Variants in SPOCK3 observed in about 807,000 individuals in gnomAD.
The protein encoded by SPOCK3 is SPARC (osteonectin), cwcv and kazal like domains proteoglycan 3, also known as testican-3.
A neutral mutation model predicts 56.6 loss-of-function variants in SPOCK3; 30 were observed. That is an observed-to-expected ratio of 0.53 (90% confidence interval 0.40 to 0.72). SPOCK3 has a LOEUF of 0.72. Ranked by LOEUF, SPOCK3 falls within the 30% of genes least tolerant of loss-of-function variation. The probability of loss-of-function intolerance (pLI) is 0.00; values close to 1 mark genes in which losing one functional copy is unlikely to be tolerated. For missense variants in SPOCK3, 527 were observed against 530.0 expected (o/e 0.99, Z 0.06); for synonymous variants, 196 against 183.3 (o/e 1.07, Z -0.56).
rs140775299 is a variant in SPOCK3, at chr4:166,874,061, T to C, written c.589+15069A>G. Among the ~76,000 whole-genome samples, 528 of 152,260 alleles carry C rather than the reference T, an allele frequency of 3.5e-3. 5 individuals are homozygous for C. The highest frequency in any genetic ancestry group is 0.012 in the African/African-American group (482 of 41,556). Reference sequence around the variant, plus strand: ...AAATGATCTTGGGAGATTGAAGTAGTGTCGCCATGCAGGGGAGAGAACAAA... The same window carrying C: ...AAATGATCTTGGGAGATTGAAGTAGCGTCGCCATGCAGGGGAGAGAACAAA... On this transcript the variant is annotated intron_variant, in intron 6 of 10. Coordinates refer to ENST00000357545, the MANE Select transcript of SPOCK3 (RefSeq NM_001040159.2).
At chr4:167,046,508 T>G (rs1230926167) in intron 3 of SPOCK3, among the ~76,000 whole-genome samples, 1 of 140,632 alleles carries the variant, frequency 7.1e-6, no homozygotes. Context: ...TAAGCTGGAG[T>G]GCAGTGGTAC....
chr4:167,190,929 T>C (rs926477883), intron 2 of SPOCK3, among the ~76,000 whole-genome samples: 2 of 145,634 alleles, frequency 1.4e-5, no homozygotes, highest in Non-Finnish European at 3.0e-5. Context: ...TAGTCTACCA[T>C]TAAGTGCATT....
chr4:166,955,551 ATATTATAT>A (rs1436213802), intron 4 of SPOCK3, among the ~76,000 whole-genome samples: 5 of 117,636 alleles, frequency 4.3e-5, no homozygotes, highest in African/African-American at 1.6e-4. Context: ...TTATTAAATT[ATATTATAT>A]TATTAAATTT....
At chr4:166,935,843 C>A (rs1579708657) in intron 4 of SPOCK3, among the ~76,000 whole-genome samples, 1 of 152,068 alleles carries the variant, frequency 6.6e-6, no homozygotes, top group Non-Finnish European at 1.5e-5. Context: ...GAAGTGGCTG[C>A]ATTCTAATAT....
In SPOCK3 at chr4:166,802,582, T is replaced by C. The variant is rs551799541; in HGVS notation, c.590-10293A>G. ...TCCTTTATAAGGGTACTAATCAAAT[T>C]CACATGGGCTCAGCCTTTATGACCT... On this transcript the variant is annotated intron_variant, in intron 6 of 10. Coordinates refer to ENST00000357545, the MANE Select transcript of SPOCK3 (RefSeq NM_001040159.2). Among the ~76,000 whole-genome samples, 13 of 152,078 alleles carry C rather than the reference T, an allele frequency of 8.5e-5. No homozygotes were observed. In the East Asian group the frequency reaches 2.5e-3, roughly 30 times the overall value.
chr4:166,749,654 A>T (rs78482335), intron 8 of SPOCK3, among the ~76,000 whole-genome samples: 3 of 151,682 alleles, frequency 2.0e-5, no homozygotes, highest in Non-Finnish European at 4.4e-5. Context: ...AAAAAAAAAT[A>T]AAAATAAAAT....
intron 2 of SPOCK3, among the ~76,000 whole-genome samples, chr4:167,138,581 C>T (rs1358042061): frequency 1.4e-4 from 22 of 151,766 alleles, no homozygotes; most frequent in Admixed American, 1.4e-3. Flanking sequence ...AGTGTTTAAA[C>T]AGAAAATCTA....
intron 2 of SPOCK3, among the ~76,000 whole-genome samples, chr4:167,157,818 C>T (rs1764947333): frequency 6.6e-6 from 1 of 151,718 alleles, no homozygotes; most frequent in Admixed American, 6.6e-5. Context: ...TTCTCCCCAT[C>T]TTTGGAAATC....
intron 3 of SPOCK3, among the ~76,000 whole-genome samples, chr4:167,059,892 T>C (rs1480022937): frequency 2.6e-5 from 4 of 151,538 alleles, no homozygotes; most frequent in Non-Finnish European, 5.9e-5. Flanking sequence ...CTCAGTAAAC[T>C]ATCGCAAGAA....
intron 2 of SPOCK3, among the ~76,000 whole-genome samples, chr4:167,140,870 T>G (rs1182736005): frequency 6.6e-6 from 1 of 152,016 alleles, no homozygotes; most frequent in Non-Finnish European, 1.5e-5. Flanking sequence ...AAGAGGGTGC[T>G]ATTTAAGCAT....
At chr4:167,077,007 T>C (rs568715929) in intron 2 of SPOCK3, among the ~76,000 whole-genome samples, 15 of 151,880 alleles carry the variant, frequency 9.9e-5, no homozygotes, top group Non-Finnish European at 1.8e-4. Flanking sequence ...TGTAAAACTA[T>C]GCATGGAATT....
intron 4 of SPOCK3, among the ~76,000 whole-genome samples, chr4:166,974,690 C>T (rs934110203): frequency 6.6e-6 from 1 of 152,170 alleles, no homozygotes; most frequent in Non-Finnish European, 1.5e-5. Context: ...ATGATTTGCA[C>T]ATTACTAAAA....
chr4:167,063,133 T>C (rs1222236774), intron 2 of SPOCK3, among the ~76,000 whole-genome samples: 2 of 151,976 alleles, frequency 1.3e-5, no homozygotes, highest in African/African-American at 2.4e-5. Context: ...GCACACCTAA[T>C]TAAGTCCTGC....
At position 167,059,707 on chromosome 4, in the gene SPOCK3, G is replaced by A. The variant is rs186631549; in HGVS notation, c.235+2785C>T. ...GCTATAAAGACACATGCACACCTAT[G>A]TTTATTGCGGCACTATTCACAATAT... On this transcript the variant is annotated intron_variant, in intron 3 of 10. Transcript: ENST00000357545. 4.5e-4 allele frequency among the ~76,000 whole-genome samples: 68 copies of A among 152,224 alleles called. No individual in the cohort carries two copies. The East Asian group carries it at 0.013, about 29-fold the overall frequency.
intron 2 of SPOCK3, among the ~76,000 whole-genome samples, chr4:167,189,781 T>C (rs1732319795): frequency 6.9e-6 from 1 of 145,864 alleles, no homozygotes; most frequent in Admixed American, 7.1e-5. Context: ...AACATCTCAT[T>C]TCTTCCACCA....
At chr4:166,787,262 A>G (rs1396772129) in intron 7 of SPOCK3, among the ~76,000 whole-genome samples, 1 of 152,194 alleles carries the variant, frequency 6.6e-6, no homozygotes, top group Non-Finnish European at 1.5e-5. Flanking sequence ...GTCAAAGGTA[A>G]TATTGTACAC....
chr4:167,084,899 CT>C lies in SPOCK3; in HGVS notation c.190-22363del, dbSNP rs546694736. Among the ~76,000 whole-genome samples, 292 of 152,014 alleles carry C rather than the reference CT, an allele frequency of 1.9e-3. 1 individual carries two copies. Among genetic ancestry groups the C allele is most frequent in the African/African-American group, 6.8e-3 (282 of 41,492 alleles). On this transcript the variant is annotated intron_variant, in intron 2 of 10. Transcript: ENST00000357545. ...AGAAACCCATTATATAATAAAAAGTCTTGTAGGTACAAACAGCCCCTGGAAA... is the reference window on the plus strand; with the variant it reads ...AGAAACCCATTATATAATAAAAAGTCTGTAGGTACAAACAGCCCCTGGAAA...
intron 5 of SPOCK3, among the ~76,000 whole-genome samples, chr4:166,900,494 C>T (rs185318957): frequency 2.6e-5 from 4 of 152,238 alleles, no homozygotes; most frequent in East Asian, 1.9e-4. Flanking sequence ...TCTTAGGTAG[C>T]GAATAAGATG....
chr4:166,995,244 T>A (rs1748226729), intron 4 of SPOCK3, among the ~76,000 whole-genome samples: 1 of 80,712 alleles, frequency 1.2e-5, no homozygotes, highest in Non-Finnish European at 3.1e-5. Flanking sequence ...TGCATGTATG[T>A]ATGTATGTGT....
Sources: gnomAD v4.1 joint callset for allele counts (sites outside exome capture counted in the v4.1 genomes callset) on GRCh38, gnomAD v4.1.1 for gene constraint, MANE v1.5 for transcripts, NCBI Gene and HGNC (gene_info 2026-07-23, HGNC 2026-07-21) for gene names.